CAB39: variants seen among roughly 807,000 people sequenced by gnomAD.
CAB39 encodes calcium-binding protein 39.
A neutral mutation model predicts 40.0 loss-of-function variants in CAB39; 8 were observed. The observed-to-expected ratio is 0.20, with a 90% CI of 0.12 to 0.36. The LOEUF (loss-of-function observed/expected upper bound fraction) is 0.36. Among genes scored for constraint, CAB39 ranks in the 10% least tolerant of loss-of-function variants. The probability of loss-of-function intolerance (pLI) is 1.00; values close to 1 mark genes in which losing one functional copy is unlikely to be tolerated. For missense variants in CAB39, 270 were observed against 401.1 expected (o/e 0.67, Z 2.79); for synonymous variants, 156 against 141.6 (o/e 1.10, Z -0.72).
intron 2 of CAB39, among the ~76,000 whole-genome samples, chr2:230,774,660 C>G (rs770329898): frequency 1.3e-5 from 2 of 152,166 alleles, no homozygotes; most frequent in Non-Finnish European, 2.9e-5. Flanking sequence ...TAGCTATATT[C>G]ACTCATTTCA....
intron 1 of CAB39, among the ~76,000 whole-genome samples, chr2:230,743,667 T>C (rs1694922482): frequency 6.6e-6 from 1 of 152,196 alleles, no homozygotes; most frequent in African/African-American, 2.4e-5. Context: ...TAGAAGAAAC[T>C]CATTTAGAAG....
At chr2:230,772,515 C>T (rs1200776948) in intron 2 of CAB39, among the ~76,000 whole-genome samples, 2 of 147,848 alleles carry the variant, frequency 1.4e-5, no homozygotes, top group Admixed American at 6.7e-5. Flanking sequence ...GACGAAGTCT[C>T]ACTCTGTTGC....
At chr2:230,805,222 G>C (rs528924746) in intron 5 of CAB39, among the ~76,000 whole-genome samples, 1 of 151,930 alleles carries the variant, frequency 6.6e-6, no homozygotes, top group East Asian at 1.9e-4. Flanking sequence ...GACACAGGGC[G>C]GGGAACATCA....
intron 6 of CAB39, among the ~76,000 whole-genome samples, chr2:230,812,805 G>A (rs1185647651): frequency 6.6e-6 from 1 of 152,230 alleles, no homozygotes; most frequent in African/African-American, 2.4e-5. Flanking sequence ...AAGCCATGTG[G>A]TCTCTGTTGA....
chr2:230,714,249 C>G lies in CAB39; in HGVS notation c.-44+1019C>G, dbSNP rs1255936362. ...ACTTAGAGCTCATTTCTCAGTGACT[C>G]ATGAGCCCGGAAATGTAGGCTAGGG... On this transcript the variant is annotated intron_variant, in intron 1 of 8. Coordinates refer to ENST00000258418, the MANE Select transcript of CAB39 (RefSeq NM_016289.4). Among the ~76,000 whole-genome samples, 4 of 152,118 alleles carry G rather than the reference C, an allele frequency of 2.6e-5. No homozygotes were observed. The South Asian group carries it at 6.2e-4, about 24-fold the overall frequency.
At chr2:230,765,732 G>C (rs933686918) in intron 2 of CAB39, among the ~76,000 whole-genome samples, 1 of 151,966 alleles carries the variant, frequency 6.6e-6, no homozygotes, top group South Asian at 2.1e-4. Context: ...AACACTAGGG[G>C]AATACTACTA....
chr2:230,742,048 CTATAAATAT>C (rs1407756938), intron 1 of CAB39, among the ~76,000 whole-genome samples: 1 of 152,168 alleles, frequency 6.6e-6, no homozygotes, highest in Non-Finnish European at 1.5e-5. Context: ...TGTTAGATAT[CTATAAATAT>C]GAAATTTTGG....
intron 6 of CAB39, 31 bp from the exon 7 acceptor site, chr2:230,814,018 T>G: frequency 5.2e-6 from 2 of 383,428 alleles, no homozygotes; most frequent in Non-Finnish European, 4.7e-6. Flanking sequence ...TTTTTGGCAA[T>G]AACCCTGATT....
chr2:230,723,007 A>G (rs745432153), intron 1 of CAB39, among the ~76,000 whole-genome samples: 1 of 152,174 alleles, frequency 6.6e-6, no homozygotes, highest in Non-Finnish European at 1.5e-5. Context: ...TTAATTTTCA[A>G]TTTTGTTAAA....
chr2:230,782,809 C>CTTTTTTTTTAT (rs1408052300), intron 2 of CAB39, among the ~76,000 whole-genome samples: 1 of 112,432 alleles, frequency 8.9e-6, no homozygotes, highest in African/African-American at 4.8e-5. Flanking sequence ...TTCTTTCTTT[C>CTTTTTTTTTAT]TTTCTTTTTT....
In CAB39 at chr2:230,728,075, C is replaced by G. The variant is rs578195649; in HGVS notation, c.-44+14845C>G. On this transcript the variant is annotated intron_variant, in intron 1 of 8. Transcript: ENST00000258418. ...TCAACATGGTGAAACCCAGTCTCTACTAAAAATACAAAAATTAGCTGGGTG... is the reference window on the plus strand; with the variant it reads ...TCAACATGGTGAAACCCAGTCTCTAGTAAAAATACAAAAATTAGCTGGGTG... Among the ~76,000 whole-genome samples the G allele has an allele frequency of 2.6e-5, 4 of 151,980 alleles. No homozygotes were observed. In the South Asian group the frequency reaches 8.3e-4, roughly 32 times the overall value.
chr2:230,789,066 T>G (rs114935213), intron 2 of CAB39, among the ~76,000 whole-genome samples: 3,104 of 152,312 alleles, frequency 0.02, 94 homozygotes, highest in African/African-American at 0.071. Flanking sequence ...TAATGAGATG[T>G]CCCTTTTTCC....
rs1559601004 is a variant in CAB39 at position 230,760,124 on chromosome 2, T to A, written c.114+9T>A. On this transcript the variant is annotated intron_variant, in intron 2 of 8. Transcript: ENST00000258418. Reference sequence around the variant, plus strand: ...ATAAAAAAGCAGAAAAGGTATGGATTTGGCTTTATTTATATTTGAAATATC... The same window carrying A: ...ATAAAAAAGCAGAAAAGGTATGGATATGGCTTTATTTATATTTGAAATATC... The A allele has an allele frequency of 1.3e-6, 2 of 1,531,796 alleles. No individual in the cohort carries two copies. Among genetic ancestry groups the A allele is most frequent in the Non-Finnish European group, 1.8e-6 (2 of 1,106,310 alleles). The allele number at this position is 1,531,796 out of a possible 1,614,324, so 94.9% of individuals were successfully genotyped here.
chr2:230,777,322 A>G (rs1039547968), intron 2 of CAB39, among the ~76,000 whole-genome samples: 2 of 146,006 alleles, frequency 1.4e-5, no homozygotes, highest in Non-Finnish European at 3.0e-5. Context: ...GTAAATGAGT[A>G]TGGGGTCATG....
At chr2:230,741,773 T>TA (rs1694881371) in intron 1 of CAB39, among the ~76,000 whole-genome samples, 1 of 152,264 alleles carries the variant, frequency 6.6e-6, no homozygotes, top group South Asian at 2.1e-4. Flanking sequence ...GTTTATGTAA[T>TA]GTTATACTTA....
At chr2:230,815,885 T>C (rs764876225) in intron 7 of CAB39, among the ~76,000 whole-genome samples, 7 of 151,744 alleles carry the variant, frequency 4.6e-5, no homozygotes, top group Non-Finnish European at 7.4e-5. Flanking sequence ...TGTACTCTCT[T>C]TTTCGTAGCC....
At position 230,713,076 on chromosome 2, in the gene CAB39, C is replaced by T. The variant is rs1694276387; in HGVS notation, c.-198C>T. The T allele has an allele frequency of 6.6e-6, 1 of 151,582 alleles. No individual in the cohort carries two copies. Among genetic ancestry groups the T allele is most frequent in the Non-Finnish European group, 1.5e-5 (1 of 67,850 alleles). 9.4% of individuals were successfully genotyped at this position (151,582 alleles called of 1,614,324 possible). On this transcript the variant is annotated 5_prime_UTR_variant, in exon 1 of 9. Coordinates refer to ENST00000258418, the MANE Select transcript of CAB39 (RefSeq NM_016289.4). ...CGCGCAGCCGCCGCCGCCGCGGGAG[C>T]CCGTCGCCGGGAGCAGGAGCGGGCG... is the stretch of plus-strand genomic sequence containing the variant.
chr2:230,755,222 T>A (rs932053739), intron 1 of CAB39, among the ~76,000 whole-genome samples: 8 of 152,206 alleles, frequency 5.3e-5, no homozygotes, highest in Non-Finnish European at 8.8e-5. Flanking sequence ...CACATTGTTT[T>A]CCATAGTGGC....
intron 6 of CAB39, among the ~76,000 whole-genome samples, chr2:230,811,439 A>G (rs182853988): frequency 6.6e-6 from 1 of 152,232 alleles, no homozygotes; most frequent in East Asian, 1.9e-4. Context: ...ATTTCAGCTC[A>G]TGTGTATTTG....
Sources: gnomAD v4.1 joint callset for allele counts (sites outside exome capture counted in the v4.1 genomes callset) on GRCh38, gnomAD v4.1.1 for gene constraint, MANE v1.5 for transcripts, NCBI Gene and HGNC (gene_info 2026-07-23, HGNC 2026-07-21) for gene names.